Variants in NSMAF observed in about 807,000 individuals in gnomAD.
The protein encoded by NSMAF is neutral sphingomyelinase activation associated factor.
NSMAF carries 90 observed loss-of-function variants against 134.9 expected under a neutral mutation model. The observed-to-expected ratio is 0.67, with a 90% CI of 0.56 to 0.79. The LOEUF is 0.79. Ranked by LOEUF, NSMAF falls within the 30% of genes least tolerant of loss-of-function variation. NSMAF has a pLI of 0.00. For missense variants in NSMAF, 1,010 were observed against 1,119.0 expected (o/e 0.90, Z 1.39); for synonymous variants, 358 against 389.6 (o/e 0.92, Z 0.96).
intron 1 of NSMAF, 193 bp downstream of exon 1, chr8:58,659,380 C>T (rs1398804286): frequency 3.3e-6 from 5 of 1,520,764 alleles, no homozygotes; most frequent in Non-Finnish European, 3.5e-6. Flanking sequence ...CCGGCCCAGA[C>T]CAGGCCCCCG....
Position 58,623,291 on chromosome 8 carries a change from A to C in NSMAF, c.505-19T>G, listed in dbSNP as rs763704594. The C allele has an allele frequency of 1.3e-6, 2 of 1,579,908 alleles. No homozygotes were observed. Among genetic ancestry groups the C allele is most frequent in the South Asian group, 2.2e-5 (2 of 89,422 alleles). ...CTGTTATCTATTAAAACAGAACCAG[A>C]AAAAAAGTATTTATAAGTATTTATA... On this transcript the variant is annotated intron_variant, in intron 8 of 30. Coordinates refer to ENST00000038176, the MANE Select transcript of NSMAF (RefSeq NM_003580.4).
At chr8:58,591,644 G>A (rs940942171) in intron 23 of NSMAF, among the ~76,000 whole-genome samples, 1 of 151,782 alleles carries the variant, frequency 6.6e-6, no homozygotes, top group African/African-American at 2.4e-5. Context: ...TGCACACCAC[G>A]GCTGGCTAAG....
In NSMAF at chr8:58,623,444, C is replaced by T. The variant is rs1231551645; in HGVS notation, c.457-20G>A. 1 of 1,607,800 alleles carries T rather than the reference C, an allele frequency of 6.2e-7. No homozygotes were observed. The highest frequency in any genetic ancestry group is 8.5e-7 in the Non-Finnish European group (1 of 1,177,582). ...GTGAAGCTACAGTATCATAAACAGA[C>T]ATGAATTTATTTTTTCTCTCAGATG... On this transcript the variant is annotated intron_variant, in intron 7 of 30. Transcript: ENST00000038176.
chr8:58,603,183 G>C, intron 13 of NSMAF, 27 bp downstream of exon 13: 1 of 1,606,680 alleles, frequency 6.2e-7, no homozygotes, highest in Non-Finnish European at 8.5e-7. Flanking sequence ...CACTCAACTT[G>C]GTCAGAATTC....
At position 58,590,106 on chromosome 8, in the gene NSMAF, T is replaced by G. The variant is rs749966332; in HGVS notation, c.2020-32A>C. On this transcript the variant is annotated intron_variant, in intron 24 of 30. Coordinates refer to ENST00000038176, the MANE Select transcript of NSMAF (RefSeq NM_003580.4). ...TACAAATGATTTGACGTTAACAATC[T>G]ATAATAATTAGTAAGTCTCTAACAC... 1.2e-5 allele frequency: 18 copies of G among 1,564,204 alleles called. 1 individual carries two copies. Among genetic ancestry groups the G allele is most frequent in the Middle Eastern group, 3.3e-4 (2 of 5,978 alleles).
At chr8:58,627,827 A>G (rs1806970205) in intron 6 of NSMAF, among the ~76,000 whole-genome samples, 1 of 152,178 alleles carries the variant, frequency 6.6e-6, no homozygotes, top group African/African-American at 2.4e-5. Flanking sequence ...TCTTATCAAG[A>G]TACCACCATC....
chr8:58,602,796 T>G (rs963616194), intron 13 of NSMAF, among the ~76,000 whole-genome samples: 6 of 152,212 alleles, frequency 3.9e-5, no homozygotes, highest in Non-Finnish European at 7.4e-5. Context: ...ATTTTAATTT[T>G]CTTCTTTGAT....
intron 21 of NSMAF, among the ~76,000 whole-genome samples, chr8:58,596,863 G>A (rs959986270): frequency 4.0e-5 from 6 of 151,798 alleles, no homozygotes; most frequent in South Asian, 2.1e-4. Context: ...CCCGGGAGGC[G>A]GAGCTTGCAG....
intron 10 of NSMAF, among the ~76,000 whole-genome samples, chr8:58,608,279 A>C (rs1806452955): frequency 6.6e-6 from 1 of 152,252 alleles, no homozygotes; most frequent in East Asian, 1.9e-4. Context: ...TATCTCATTA[A>C]AAATTACAGT....
chr8:58,622,789 T>C (rs539721824), intron 9 of NSMAF, among the ~76,000 whole-genome samples: 2 of 152,248 alleles, frequency 1.3e-5, no homozygotes, highest in Admixed American at 6.5e-5. Flanking sequence ...CACCTTGGCT[T>C]CCTAAAGTGC....
Position 58,585,773 on chromosome 8 carries a change from A to G in NSMAF, c.2550-12T>C. On this transcript the variant is annotated splice_polypyrimidine_tract_variant and intron_variant, in intron 29 of 30. Coordinates refer to ENST00000038176, the MANE Select transcript of NSMAF (RefSeq NM_003580.4). ...CCCAGACAAAGCACCTGCAAGAATG[A>G]TTTAGAAATAGTCCTTTCTTCATCA... 6.2e-7 allele frequency: 1 copy of G among 1,611,262 alleles called. No individual in the cohort carries two copies. The highest frequency in any genetic ancestry group is 2.2e-5 in the East Asian group (1 of 44,870).
intron 11 of NSMAF, 62 bp from the exon 12 acceptor site, chr8:58,606,097 A>T (rs1209218166): frequency 1.5e-6 from 2 of 1,295,792 alleles, no homozygotes; most frequent in East Asian, 5.5e-5. Context: ...CAATCCCAAT[A>T]TAAGTATATA....
intron 1 of NSMAF, among the ~76,000 whole-genome samples, chr8:58,651,952 C>T (rs1458502185): frequency 3.9e-5 from 6 of 152,202 alleles, no homozygotes; most frequent in Non-Finnish European, 8.8e-5. Context: ...AGGCTTCATT[C>T]ATTCCTGAAT....
intron 13 of NSMAF, among the ~76,000 whole-genome samples, chr8:58,602,457 C>T (rs1401803403): frequency 6.6e-6 from 1 of 151,916 alleles, no homozygotes; most frequent in Non-Finnish European, 1.5e-5. Flanking sequence ...TTTTAAAAGC[C>T]ATTATTCTTC....
At chr8:58,597,354 G>C in intron 21 of NSMAF, 33 bp downstream of exon 21, 1 of 1,578,306 alleles carries the variant, frequency 6.3e-7, no homozygotes, top group Non-Finnish European at 8.7e-7. Context: ...AGAAACAAAA[G>C]GTGCTCACGT....
At chr8:58,656,373 A>T (rs951249807) in intron 1 of NSMAF, among the ~76,000 whole-genome samples, 1 of 152,172 alleles carries the variant, frequency 6.6e-6, no homozygotes, top group East Asian at 1.9e-4. Flanking sequence ...CTAATCCTTA[A>T]AATTACCAAA....
At chr8:58,648,122 G>A (rs1275711200) in intron 1 of NSMAF, among the ~76,000 whole-genome samples, 4 of 152,236 alleles carry the variant, frequency 2.6e-5, no homozygotes, top group African/African-American at 9.6e-5. Context: ...TGAAACAAAG[G>A]TCGCCCTTGT....
At chr8:58,649,706 T>G (rs1807540246) in intron 1 of NSMAF, among the ~76,000 whole-genome samples, 1 of 152,130 alleles carries the variant, frequency 6.6e-6, no homozygotes, top group South Asian at 2.1e-4. Flanking sequence ...GTCCAGAGCC[T>G]CCTCCTCCTC....
Position 58,601,562 on chromosome 8 carries a change from A to T in NSMAF, c.1126-27T>A, listed in dbSNP as rs776707923. 1.3e-6 allele frequency: 2 copies of T among 1,568,806 alleles called. 1 individual carries two copies. Among genetic ancestry groups the T allele is most frequent in the Non-Finnish European group, 1.7e-6 (2 of 1,164,598 alleles). Reference sequence around the variant, plus strand: ...TAGAATACAGAAAAAAAAAAAAAATAGAGCTAAGTGTTGGCTATGAAATAA... The same window carrying T: ...TAGAATACAGAAAAAAAAAAAAAATTGAGCTAAGTGTTGGCTATGAAATAA... On this transcript the variant is annotated intron_variant, in intron 14 of 30. Coordinates refer to ENST00000038176, the MANE Select transcript of NSMAF (RefSeq NM_003580.4).
Sources: allele counts gnomAD v4.1 joint callset (sites outside exome capture counted in the v4.1 genomes callset), GRCh38; gene constraint gnomAD v4.1.1; transcripts MANE v1.5; gene names NCBI Gene and HGNC (gene_info 2026-07-23, HGNC 2026-07-21).